GPC5: variants seen among roughly 807,000 people sequenced by gnomAD.
GPC5 encodes glypican-5.
GPC5 carries 47 observed loss-of-function variants against 53.9 expected under a neutral mutation model. The observed-to-expected ratio is 0.87, with a 90% CI of 0.69 to 1.11. The LOEUF (loss-of-function observed/expected upper bound fraction) is 1.11. Among genes scored for constraint, GPC5 ranks in the 50% most tolerant of loss-of-function variants. The pLI, the probability that GPC5 is intolerant of heterozygous loss-of-function variation, is 0.00. For missense variants in GPC5, 748 were observed against 713.1 expected (o/e 1.05, Z -0.56); for synonymous variants, 286 against 263.3 (o/e 1.09, Z -0.84).
At chr13:92,620,280 A>C (rs1884829192) in intron 7 of GPC5, among the ~76,000 whole-genome samples, 1 of 152,170 alleles carries the variant, frequency 6.6e-6, no homozygotes, top group Non-Finnish European at 1.5e-5. Context: ...AGAATAAAGA[A>C]AATTAAAGAG....
Position 91,513,567 on chromosome 13 carries a change from C to T in GPC5, c.325+64645C>T, listed in dbSNP as rs1356632508. Among the ~76,000 whole-genome samples the T allele has an allele frequency of 3.3e-5, 5 of 152,136 alleles. No homozygotes were observed. In the East Asian group the frequency reaches 7.7e-4, roughly 24 times the overall value. On this transcript the variant is annotated intron_variant, in intron 2 of 7. Transcript: ENST00000377067. ...ACTAGCCTGGCCAACATAGTGAAAC[C>T]CTGTCTCTACTAAAAATACAAAAAT...
intron 5 of GPC5, among the ~76,000 whole-genome samples, chr13:91,873,856 T>C (rs751427477): frequency 1.3e-4 from 20 of 152,034 alleles, no homozygotes; most frequent in Non-Finnish European, 2.5e-4. Flanking sequence ...TAAATGTTTG[T>C]TTTTTGATGG....
chr13:91,401,966 C>T (rs1243738466), intron 1 of GPC5, among the ~76,000 whole-genome samples: 1 of 152,030 alleles, frequency 6.6e-6, no homozygotes, highest in African/African-American at 2.4e-5. Flanking sequence ...GTGCCCTTTG[C>T]TCTTGTTTAT....
intron 6 of GPC5, among the ~76,000 whole-genome samples, chr13:92,100,596 G>T (rs910187544): frequency 2.0e-5 from 3 of 152,034 alleles, no homozygotes; most frequent in African/African-American, 7.2e-5. Context: ...AGTTTTCTTT[G>T]AATTGATTGC....
At chr13:92,551,937 C>T (rs974548298) in intron 7 of GPC5, among the ~76,000 whole-genome samples, 1 of 151,732 alleles carries the variant, frequency 6.6e-6, no homozygotes, top group Non-Finnish European at 1.5e-5. Context: ...TATAATTTTC[C>T]AGTTAGTACT....
intron 5 of GPC5, among the ~76,000 whole-genome samples, chr13:91,855,599 C>A (rs77673784): frequency 6.6e-6 from 1 of 151,502 alleles, no homozygotes; most frequent in Non-Finnish European, 1.5e-5. Flanking sequence ...GAATCAAATC[C>A]TTGATTCATG....
chr13:92,732,129 T>A (rs565510240), intron 7 of GPC5, among the ~76,000 whole-genome samples: 3 of 151,444 alleles, frequency 2.0e-5, no homozygotes, highest in Non-Finnish European at 4.4e-5. Flanking sequence ...TACTAGTGAC[T>A]TTTTACTTAG....
At chr13:91,634,181 A>G (rs2034228732) in intron 2 of GPC5, among the ~76,000 whole-genome samples, 1 of 152,058 alleles carries the variant, frequency 6.6e-6, no homozygotes, top group South Asian at 2.1e-4. Flanking sequence ...AAAAATTCTT[A>G]TTATTCAATA....
chr13:92,182,086 GTTTA>G (rs1281988473), intron 7 of GPC5, among the ~76,000 whole-genome samples: 7 of 152,036 alleles, frequency 4.6e-5, no homozygotes, highest in African/African-American at 7.3e-5. Context: ...AATTTTTTCT[GTTTA>G]TTTATTTATT....
chr13:92,025,006 C>G (rs1033262638), intron 6 of GPC5, among the ~76,000 whole-genome samples: 13 of 152,078 alleles, frequency 8.5e-5, no homozygotes, highest in Non-Finnish European at 1.5e-4. Context: ...TCAAAAACAG[C>G]CTTTCTAAAA....
intron 3 of GPC5, among the ~76,000 whole-genome samples, chr13:91,700,252 C>A (rs989436665): frequency 2.6e-5 from 4 of 152,064 alleles, no homozygotes; most frequent in Admixed American, 1.3e-4. Flanking sequence ...TGAGGCAAGT[C>A]CAAAATTCTT....
At chr13:91,447,673 G>T (rs1346368631) in intron 1 of GPC5, among the ~76,000 whole-genome samples, 1 of 152,072 alleles carries the variant, frequency 6.6e-6, no homozygotes, top group South Asian at 2.1e-4. Flanking sequence ...TGGTTGTTAT[G>T]TGCATGCGTC....
At chr13:92,822,873 T>C (rs1043662838) in intron 7 of GPC5, among the ~76,000 whole-genome samples, 14 of 152,086 alleles carry the variant, frequency 9.2e-5, no homozygotes, top group African/African-American at 3.4e-4. Context: ...GTGGAAACTG[T>C]TCAGCAGATA....
intron 7 of GPC5, among the ~76,000 whole-genome samples, chr13:92,346,845 T>C (rs965376182): frequency 1.3e-5 from 2 of 151,936 alleles, no homozygotes; most frequent in African/African-American, 2.4e-5. Context: ...TACAACAAAA[T>C]AGAAACAATT....
intron 2 of GPC5, among the ~76,000 whole-genome samples, chr13:91,543,825 G>C (rs1414358332): frequency 1.3e-5 from 2 of 152,082 alleles, no homozygotes; most frequent in Admixed American, 6.6e-5. Context: ...TTTTACTATA[G>C]AGCCTATATT....
At chr13:91,519,464 A>G (rs919432315) in intron 2 of GPC5, among the ~76,000 whole-genome samples, 2 of 152,010 alleles carry the variant, frequency 1.3e-5, no homozygotes, top group Non-Finnish European at 2.9e-5. Flanking sequence ...TGTTCTCATG[A>G]GAGTGAGTGA....
At chr13:92,476,160 C>T (rs1302283331) in intron 7 of GPC5, among the ~76,000 whole-genome samples, 2 of 152,006 alleles carry the variant, frequency 1.3e-5, no homozygotes, top group South Asian at 2.1e-4. Flanking sequence ...AAAGGGCTAA[C>T]ATTCAGAATC....
chr13:92,745,218 G>A (rs115417473), intron 7 of GPC5, among the ~76,000 whole-genome samples: 93 of 152,020 alleles, frequency 6.1e-4, no homozygotes, highest in South Asian at 1.2e-3. Context: ...CACAATTTGG[G>A]TCTTTTTACT....
Position 92,271,416 on chromosome 13 carries a change from G to A in GPC5, c.1561+126427G>A, listed in dbSNP as rs9523573. 2.6e-5 allele frequency among the ~76,000 whole-genome samples: 4 copies of A among 151,942 alleles called. No individual in the cohort carries two copies. The South Asian group carries it at 8.3e-4, about 31-fold the overall frequency. On this transcript the variant is annotated intron_variant, in intron 7 of 7. Transcript: ENST00000377067. ...TATGGCTTATACCTTACTTGTTAAT[G>A]CCCTTGGGACATGTTTTCCATGAAC...
Sources: allele counts gnomAD v4.1 joint callset (sites outside exome capture counted in the v4.1 genomes callset), GRCh38; gene constraint gnomAD v4.1.1; transcripts MANE v1.5; gene names NCBI Gene and HGNC (gene_info 2026-07-23, HGNC 2026-07-21).